The following SERPINE2 variants were observed in gnomAD, a reference collection of about 807,000 sequenced individuals.
SERPINE2 encodes serpin family E member 2, also known as glia-derived nexin.
SERPINE2 carries 14 observed loss-of-function variants against 36.3 expected under a neutral mutation model. That is an observed-to-expected ratio of 0.39 (90% confidence interval 0.25 to 0.60). The LOEUF (loss-of-function observed/expected upper bound fraction) is 0.60. Among genes scored for constraint, SERPINE2 ranks in the 20% least tolerant of loss-of-function variants. The pLI, the probability that SERPINE2 is intolerant of heterozygous loss-of-function variation, is 0.57. For synonymous variants in SERPINE2, 192 were observed against 191.8 expected, an observed-to-expected ratio of 1.00 and a Z score of -0.01; for missense variants, 418 against 499.6, an observed-to-expected ratio of 0.84 and a Z score of 1.56.
intron 1 of SERPINE2, among the ~76,000 whole-genome samples, chr2:224,016,757 G>A (rs1443889408): frequency 6.6e-6 from 1 of 152,176 alleles, no homozygotes; most frequent in Non-Finnish European, 1.5e-5. Flanking sequence ...TGGCTAAACT[G>A]TGGTACATCC....
chr2:224,026,923 G>A (rs1003583060), intron 1 of SERPINE2, among the ~76,000 whole-genome samples: 4 of 152,122 alleles, frequency 2.6e-5, no homozygotes, highest in South Asian at 4.1e-4. Context: ...TAAAGAGCAC[G>A]TCAGAGACTA....
intron 3 of SERPINE2, among the ~76,000 whole-genome samples, chr2:223,994,962 G>A (rs1390980727): frequency 6.6e-6 from 1 of 152,212 alleles, no homozygotes; most frequent in African/African-American, 2.4e-5. Context: ...GCAGAACCGA[G>A]ATTCAAACTC....
intron 2 of SERPINE2, among the ~76,000 whole-genome samples, chr2:223,999,232 C>T (rs1010601752): frequency 2.0e-5 from 3 of 152,074 alleles, no homozygotes; most frequent in Admixed American, 6.6e-5. Flanking sequence ...TTTATGGCAA[C>T]GTAAGCTTTA....
intron 4 of SERPINE2, among the ~76,000 whole-genome samples, chr2:223,989,202 T>C (rs1197905433): frequency 3.3e-5 from 5 of 152,246 alleles, no homozygotes; most frequent in African/African-American, 1.2e-4. Context: ...TTCTACTTTA[T>C]GGGGCATAAA....
At chr2:223,981,995 A>G (rs1007511037) in intron 6 of SERPINE2, 2 of 152,210 alleles carry the variant, frequency 1.3e-5, no homozygotes, top group East Asian at 3.8e-4. Context: ...TAAAAGCAAT[A>G]CATGAAATAC....
intron 1 of SERPINE2, chr2:224,013,848 T>C (rs1691710274): frequency 6.6e-6 from 1 of 152,256 alleles, no homozygotes; most frequent in African/African-American, 2.4e-5. Context: ...CAGCCTGGGG[T>C]TCACACCTTC....
intron 1 of SERPINE2, chr2:224,010,500 G>T: frequency 3.5e-6 from 1 of 287,894 alleles, no homozygotes; most frequent in Non-Finnish European, 5.2e-6. Context: ...AGGCTAGGGG[G>T]AAGGAGGGGA....
chr2:223,990,161 A>T (rs1044368701), intron 4 of SERPINE2, among the ~76,000 whole-genome samples: 1 of 152,112 alleles, frequency 6.6e-6, no homozygotes, highest in Non-Finnish European at 1.5e-5. Flanking sequence ...GACTCCCAGC[A>T]GCAAACCCAG....
chr2:224,023,126 C>T (rs534700638), intron 1 of SERPINE2, among the ~76,000 whole-genome samples: 3 of 152,322 alleles, frequency 2.0e-5, no homozygotes, highest in Admixed American at 2.0e-4. Flanking sequence ...GACTAATACA[C>T]CAATCAAGCC....
chr2:223,999,981 C>T (rs41464347), intron 2 of SERPINE2, among the ~76,000 whole-genome samples: 4 of 152,156 alleles, frequency 2.6e-5, no homozygotes, highest in East Asian at 1.9e-4. Flanking sequence ...ACTGCAAACT[C>T]GTACAGAAGT....
intron 1 of SERPINE2, among the ~76,000 whole-genome samples, chr2:224,029,687 T>C (rs1049907567): frequency 2.0e-5 from 3 of 152,206 alleles, no homozygotes; most frequent in African/African-American, 4.8e-5. Context: ...TTTTTCCTAC[T>C]GTATAGACAT....
intron 1 of SERPINE2, among the ~76,000 whole-genome samples, chr2:224,037,642 G>A (rs575380239): frequency 2.6e-5 from 4 of 152,280 alleles, no homozygotes; most frequent in African/African-American, 9.6e-5. Flanking sequence ...ACCCAGGGAC[G>A]TGGCCAGGTC....
chr2:224,003,120 T>A (rs573282811), intron 1 of SERPINE2, among the ~76,000 whole-genome samples: 59 of 151,796 alleles, frequency 3.9e-4, no homozygotes, highest in African/African-American at 1.4e-3. Context: ...GAGACCTGAA[T>A]GGGGGAAGGA....
chr2:224,028,858 GA>G (rs1472974560), intron 1 of SERPINE2, among the ~76,000 whole-genome samples: 1 of 152,180 alleles, frequency 6.6e-6, no homozygotes, highest in African/African-American at 2.4e-5. Context: ...ACAGGGCAGA[GA>G]AAACACACGC....
chr2:224,037,653 A>G (rs1365000349), intron 1 of SERPINE2, among the ~76,000 whole-genome samples: 1 of 150,388 alleles, frequency 6.6e-6, no homozygotes, highest in East Asian at 1.9e-4. Context: ...TGGCCAGGTC[A>G]CCACCTCATT....
At chr2:224,008,604 T>C (rs753774268) in intron 1 of SERPINE2, among the ~76,000 whole-genome samples, 24 of 152,344 alleles carry the variant, frequency 1.6e-4, no homozygotes, top group Non-Finnish European at 2.8e-4. Flanking sequence ...CCCTACAGTC[T>C]TGTTAGCCTC....
chr2:224,028,283 C>T (rs970918611), intron 1 of SERPINE2, among the ~76,000 whole-genome samples: 1 of 152,228 alleles, frequency 6.6e-6, no homozygotes, highest in Non-Finnish European at 1.5e-5. Context: ...ACTGGGGACA[C>T]TGTGATCTTT....
chr2:224,012,669 T>C (rs1363208495), intron 1 of SERPINE2, among the ~76,000 whole-genome samples: 9 of 152,072 alleles, frequency 5.9e-5, no homozygotes, highest in African/African-American at 4.8e-5. Context: ...AAAATATCTA[T>C]ATAGTTATTT....
At chr2:224,014,138 G>T (rs1241549724) in intron 1 of SERPINE2, among the ~76,000 whole-genome samples, 33 of 152,198 alleles carry the variant, frequency 2.2e-4, no homozygotes, top group Admixed American at 2.2e-3. Context: ...CCTTTGGGAA[G>T]CCAAGGTGGG....
Sources: gnomAD v4.1 joint callset for allele counts (sites outside exome capture counted in the v4.1 genomes callset) on GRCh38, gnomAD v4.1.1 for gene constraint, MANE v1.5 for transcripts, NCBI Gene and HGNC (gene_info 2026-07-23, HGNC 2026-07-21) for gene names.